Variants in RNF123 observed in about 807,000 individuals in gnomAD.
The protein encoded by RNF123 is E3 ubiquitin-protein ligase RNF123.
A neutral mutation model predicts 168.5 loss-of-function variants in RNF123; 86 were observed. That is an observed-to-expected ratio of 0.51 (90% CI 0.43 to 0.61). The LOEUF (loss-of-function observed/expected upper bound fraction) is 0.61, where lower values mean the gene tolerates loss of function less well. RNF123 is among the 20% of genes least tolerant of loss of function. The pLI is 0.00. For missense variants in RNF123, 1,419 were observed against 1,729.7 expected (o/e 0.82, Z 3.19); for synonymous variants, 666 against 689.1 (o/e 0.97, Z 0.52).
chr3:49,705,869 C>T (rs1041351568), intron 24 of RNF123, 113 bp from the exon 25 acceptor site: 28 of 1,438,620 alleles, frequency 1.9e-5, no homozygotes, highest in Non-Finnish European at 1.4e-5. Context: ...GGAATGGGAC[C>T]GCCCTGGGCC....
At chr3:49,720,132 C>G (rs1456508292) in intron 35 of RNF123, 1 of 158,834 alleles carries the variant, frequency 6.3e-6, no homozygotes, top group African/African-American at 2.4e-5. Flanking sequence ...CCTGGCCAAC[C>G]TGGTGAAACC....
Position 49,699,211 on chromosome 3 carries a change from C to G in RNF123, c.764+106C>G, listed in dbSNP as rs1159206963. ...GCCATGGGCTGGTGGCAGGCCCTGG[C>G]TGCTGCAGAGTTAGTGGGGGGCCAT... On this transcript the variant is annotated intron_variant, in intron 10 of 38. Transcript: ENST00000327697. This position sits in a 1 kb window ranked among gnomAD's most constrained non-coding sequence, Gnocchi z 4.8. The G allele has an allele frequency of 1.4e-6, 2 of 1,459,504 alleles. No homozygotes were observed. The highest frequency in any genetic ancestry group is 1.8e-6 in the Non-Finnish European group (2 of 1,084,974). 90.4% of individuals were successfully genotyped at this position (1,459,504 alleles called of 1,614,324 possible).
intron 20 of RNF123, 96 bp from the exon 21 acceptor site, chr3:49,703,330 TC>T: frequency 1.0e-6 from 1 of 976,990 alleles, no homozygotes; most frequent in Non-Finnish European, 1.6e-6. Context: ...AAGCCAGAAT[TC>T]CCAGGCTGTG....
In RNF123 at chr3:49,691,422, C is replaced by G. The variant is rs768211190; in HGVS notation, c.83-3C>G. 1 of 1,614,188 alleles carries G rather than the reference C, an allele frequency of 6.2e-7. No homozygotes were observed. The highest frequency in any genetic ancestry group is 8.5e-7 in the Non-Finnish European group (1 of 1,179,994). ...CTTTTCTCCCTTCTGACTTGTGGCT[C>G]AGGCATTGTGCAGGAGAAGCTGCTG... On this transcript the variant is annotated splice_polypyrimidine_tract_variant and splice_region_variant and intron_variant, in intron 2 of 38. Coordinates refer to ENST00000327697, the MANE Select transcript of RNF123 (RefSeq NM_022064.5).
chr3:49,714,430 T>C (rs1048717502), intron 31 of RNF123, among the ~76,000 whole-genome samples: 3 of 152,230 alleles, frequency 2.0e-5, no homozygotes, highest in African/African-American at 7.2e-5. Flanking sequence ...GGATGCTCTA[T>C]GTGGGTCATG....
intron 35 of RNF123, chr3:49,718,255 G>A: frequency 6.2e-6 from 10 of 1,612,238 alleles, no homozygotes; most frequent in Non-Finnish European, 8.5e-6. Flanking sequence ...GCAGGGTGGG[G>A]CGAACAGGTA....
At chr3:49,718,439 G>C in intron 35 of RNF123, 1 of 1,612,948 alleles carries the variant, frequency 6.2e-7, no homozygotes, top group Non-Finnish European at 8.5e-7. Flanking sequence ...TGCTGCTCCT[G>C]TACGTTGCCT....
rs1055520608 is a variant in RNF123, at chr3:49,721,425, G to T, written c.*120G>T. 3 of 1,344,672 alleles carry T rather than the reference G, an allele frequency of 2.2e-6. No homozygotes were observed. The highest frequency in any genetic ancestry group is 2.9e-5 in the African/African-American group (2 of 69,770). The allele number at this position is 1,344,672 out of a possible 1,614,324, so 83.3% of individuals were successfully genotyped here. On this transcript the variant is annotated 3_prime_UTR_variant, in exon 39 of 39. Transcript: ENST00000327697. ...CCACACCACCACATCCAACCTCCTT[G>T]CCTGCCTGTATCCTCATTGGTGGGA...
intron 36 of RNF123, 33 bp downstream of exon 36, chr3:49,720,686 C>A (rs747990660): frequency 1.9e-5 from 30 of 1,595,756 alleles, no homozygotes; most frequent in Non-Finnish European, 1.7e-5. Context: ...TCAGGGAAAT[C>A]TGGGGCTGGG....
intron 3 of RNF123, among the ~76,000 whole-genome samples, chr3:49,696,255 A>G (rs577863597): frequency 1.3e-5 from 2 of 152,342 alleles, no homozygotes; most frequent in East Asian, 3.9e-4. Flanking sequence ...CTATGCAGAC[A>G]GCACTTGTTA....
At chr3:49,717,025 G>A (rs1279808923) in intron 35 of RNF123, 1 of 154,570 alleles carries the variant, frequency 6.5e-6, no homozygotes, top group Non-Finnish European at 1.4e-5. Context: ...ATTAGGCTGA[G>A]ACCAGTGCCA....
chr3:49,718,435 T>C, intron 35 of RNF123: 1 of 1,612,994 alleles, frequency 6.2e-7, no homozygotes, highest in Non-Finnish European at 8.5e-7. Context: ...CGCATGCTGC[T>C]CCTGTACGTT....
In RNF123 at chr3:49,699,043, C is replaced by T; in HGVS notation, c.702C>T (p.Phe234=). The T allele has an allele frequency of 6.2e-7, 1 of 1,613,946 alleles. No individual in the cohort carries two copies. The highest frequency in any genetic ancestry group is 2.2e-5 in the East Asian group (1 of 44,880). Residue 234 remains phenylalanine (F), a synonymous_variant, in exon 10 of 39, where the codon TTC becomes TTT. Transcript: ENST00000327697. The surrounding 1 kb of genome is among the most constrained non-coding windows in gnomAD (Gnocchi z 4.8). The stretch of plus-strand genomic sequence containing the variant: ...CCAGGGGCCTGGGTATGGCCTACTT[C>T]CCAGCCATCAGCCTCTCTTTCAAGG... ...NLSRGLGMAY[F]PAISLSFKES...
At position 49,699,710 on chromosome 3, in the gene RNF123, C is replaced by T. The variant is rs749994548; in HGVS notation, c.922C>T (p.Arg308Trp). ...LDKESSKWRL[R>W]GQPTVLLTLA... ...CAAGGAGAGCTCCAAGTGGCGGTTG[C>T]GGGGCCAGCCCACCGTCCTCCTCAC... The change falls in exon 12 of 39, where the codon CGG becomes TGG. Residue 308 changes from arginine (R) to tryptophan (W), a missense_variant. Physicochemically the swap from Arg to Trp is moderately radical, Grantham distance 101. Around this residue, in one of 5 missense-constraint regions of RNF123, gnomAD observed 318 missense variants for 446.6 expected, o/e 0.71. Transcript: ENST00000327697. The surrounding 1 kb of genome is among the most constrained non-coding windows in gnomAD (Gnocchi z 4.8). 23 of 1,613,530 alleles carry T rather than the reference C, an allele frequency of 1.4e-5. No individual in the cohort carries two copies. The highest frequency in any genetic ancestry group is 1.2e-4 in the South Asian group (11 of 91,092).
intron 35 of RNF123, chr3:49,719,750 C>T (rs2080350796): frequency 8.0e-6 from 3 of 377,130 alleles, no homozygotes; most frequent in Non-Finnish European, 1.0e-5. Context: ...CCTATTGGTT[C>T]CCGTTTGAGG....
intron 26 of RNF123, among the ~76,000 whole-genome samples, chr3:49,709,391 C>G (rs2080098694): frequency 6.6e-6 from 1 of 151,508 alleles, no homozygotes; most frequent in African/African-American, 2.4e-5. Context: ...AGCTCCGCCT[C>G]CCGGGTTCAC....
intron 12 of RNF123, 168 bp from the exon 13 acceptor site, chr3:49,700,059 G>A (rs989461615): frequency 3.3e-6 from 3 of 921,856 alleles, no homozygotes; most frequent in Admixed American, 2.7e-5. Flanking sequence ...TGGGGCAATG[G>A]CCTTCTTGTC....
Position 49,713,529 on chromosome 3 carries a change from G to A in RNF123, c.2691G>A (p.Leu897=). 1 of 1,610,664 alleles carries A rather than the reference G, an allele frequency of 6.2e-7. No homozygotes were observed. The highest frequency in any genetic ancestry group is 8.5e-7 in the Non-Finnish European group (1 of 1,178,690). ...CCCTTGCAGGCTATGAAGAGACCCTGACCCGCCTGGCTGCCATTCTCGCCA... is the reference window on the plus strand; with the variant it reads ...CCCTTGCAGGCTATGAAGAGACCCTAACCCGCCTGGCTGCCATTCTCGCCA... ...MEELPGYEET[L]TRLAAILAKH... The change falls in exon 28 of 39, where the codon CTG becomes CTA. Residue 897 remains leucine (L), a synonymous_variant. Coordinates refer to ENST00000327697, the MANE Select transcript of RNF123 (RefSeq NM_022064.5).
intron 13 of RNF123, 35 bp downstream of exon 13, chr3:49,700,387 G>A (rs1327392973): frequency 6.8e-6 from 11 of 1,613,252 alleles, no homozygotes; most frequent in Non-Finnish European, 9.3e-6. Context: ...AGGCCTGGCT[G>A]TCAGTCTTCA....
Sources: gnomAD v4.1 joint callset for allele counts (sites outside exome capture counted in the v4.1 genomes callset) on GRCh38, gnomAD v4.1.1 for gene constraint, gnomAD v4.1.1 regional missense constraint, Gnocchi (gnomAD v3.1) non-coding constraint, MANE v1.5 for transcripts, NCBI Gene and HGNC (gene_info 2026-07-23, HGNC 2026-07-21) for gene names.